Variants in NOMO2 observed in about 807,000 individuals in gnomAD.
The protein encoded by NOMO2 is BOS complex subunit NOMO2.
Under a neutral mutation model 67.1 loss-of-function variants are expected in NOMO2, and 14 were observed. The ratio of observed to expected loss-of-function variants is 0.21; its 90% CI spans 0.14 to 0.33. NOMO2 has a LOEUF of 0.33. Ranked by LOEUF, NOMO2 falls within the 10% of genes least tolerant of loss-of-function variation. The pLI, the probability that NOMO2 is intolerant of heterozygous loss-of-function variation, is 1.00. For synonymous variants in NOMO2, 80 were observed against 305.9 expected (o/e 0.26, Z 7.71); for missense variants, 178 against 761.0 (o/e 0.23, Z 9.01).
rs1901373278 is a variant in NOMO2, at chr16:18,534,363, G to C, written c.1221-1184C>G. On this transcript the variant is annotated intron_variant, in intron 11 of 30. Coordinates refer to ENST00000622306, the MANE Select transcript of NOMO2 (RefSeq NM_173614.4). ...GTTAAAAAAAAAAAATCAAAAGAAA[G>C]ATAATATTTCACATGTAAAAATTAC... Among the ~76,000 whole-genome samples the C allele has an allele frequency of 2.7e-5, 4 of 150,292 alleles. No homozygotes were observed. The South Asian group carries it at 8.6e-4, about 32-fold the overall frequency.
intron 1 of NOMO2, among the ~76,000 whole-genome samples, chr16:18,559,257 C>T (rs139903965): frequency 0.012 from 1,833 of 152,064 alleles, 22 homozygotes; most frequent in Non-Finnish European, 0.018. Flanking sequence ...CAGTGTAATA[C>T]GTAGGGAACA....
At chr16:18,537,116 G>A (rs1401855322) in intron 11 of NOMO2, among the ~76,000 whole-genome samples, 4 of 152,028 alleles carry the variant, frequency 2.6e-5, no homozygotes, top group African/African-American at 9.7e-5. Context: ...GGTCCTGGCT[G>A]CCACCTGCGG....
chr16:18,526,338 C>T (rs1901146244), intron 16 of NOMO2, among the ~76,000 whole-genome samples: 1 of 152,054 alleles, frequency 6.6e-6, no homozygotes, highest in African/African-American at 2.4e-5. Flanking sequence ...ATGACACAGC[C>T]TCTGTGGAAA....
At chr16:18,534,099 C>G (rs1255283840) in intron 11 of NOMO2, among the ~76,000 whole-genome samples, 2 of 151,818 alleles carry the variant, frequency 1.3e-5, no homozygotes, top group African/African-American at 2.4e-5. Flanking sequence ...ATGTTGGAAC[C>G]ACCACTCCGC....
rs1164327380 is a variant in NOMO2, at chr16:18,543,636, G to T, written c.716C>A (p.Ser239Tyr). The T allele has an allele frequency of 1.9e-6, 3 of 1,611,594 alleles. No homozygotes were observed. In the African/African-American group the frequency reaches 4.0e-5, roughly 22 times the overall value. ...PMKGVKFLLF[S>Y]SLVTKEDVLG... is the part of the protein sequence containing the mutation. Reference sequence around the variant, plus strand: ...GCTTACCTCTTTAGTTACTAAAGAAGAAAAGAGAAGAAACTTCACCCCTTT... The same window carrying T: ...GCTTACCTCTTTAGTTACTAAAGAATAAAAGAGAAGAAACTTCACCCCTTT... The change falls in exon 7 of 31, where the codon TCT becomes TAT. Residue 239 changes from serine to tyrosine, a missense_variant. Physicochemically the swap from Ser to Tyr is moderately radical, Grantham distance 144. Coordinates refer to ENST00000622306, the MANE Select transcript of NOMO2 (RefSeq NM_173614.4).
chr16:18,548,325 G>A (rs1021323618), intron 5 of NOMO2, among the ~76,000 whole-genome samples: 4 of 151,700 alleles, frequency 2.6e-5, no homozygotes, highest in African/African-American at 4.8e-5. Flanking sequence ...ACCAGGGCTG[G>A]AGAGGCACCA....
chr16:18,556,783 T>C (rs1901915049), intron 2 of NOMO2, among the ~76,000 whole-genome samples: 3 of 152,084 alleles, frequency 2.0e-5, no homozygotes, highest in African/African-American at 4.8e-5. Context: ...TACCCGTGGA[T>C]ACCTGAATAA....
chr16:18,536,598 G>A lies in NOMO2; in HGVS notation c.1220+1928C>T, dbSNP rs2561971. 2.1e-3 allele frequency among the ~76,000 whole-genome samples: 321 copies of A among 151,616 alleles called. 1 individual carries two copies. The highest frequency in any genetic ancestry group is 6.0e-3 in the Admixed American group (92 of 15,262). ...ACTCCTGGGCTCAAGCGATCCACCC[G>A]CCTCTGCCTCCCAAAGTGCTGGGAT... On this transcript the variant is annotated intron_variant, in intron 11 of 30. Transcript: ENST00000622306.
intron 3 of NOMO2, among the ~76,000 whole-genome samples, chr16:18,552,469 G>GCACACACACA (rs201636709): frequency 1.0e-5 from 1 of 97,638 alleles, no homozygotes; most frequent in Admixed American, 1.2e-4. Flanking sequence ...ACGCGTACAT[G>GCACACACACA]CACACACACA....
rs1180493678 is a variant in NOMO2 at position 18,538,682 on chromosome 16, A to T, written c.1070-6T>A. The T allele has an allele frequency of 6.2e-7, 1 of 1,613,480 alleles. No homozygotes were observed. The highest frequency in any genetic ancestry group is 1.3e-5 in the African/African-American group (1 of 74,856). ...GCCATCAGCTTTTGTTTTAACTGTA[A>T]AACAAAAACACACAAACAGAAGATA... On this transcript the variant is annotated splice_polypyrimidine_tract_variant and splice_region_variant and intron_variant, in intron 10 of 30. Coordinates refer to ENST00000622306, the MANE Select transcript of NOMO2 (RefSeq NM_173614.4).
At chr16:18,536,034 G>A (rs1316593413) in intron 11 of NOMO2, among the ~76,000 whole-genome samples, 2 of 152,018 alleles carry the variant, frequency 1.3e-5, no homozygotes, top group Admixed American at 1.3e-4. Flanking sequence ...CTGACCTCAT[G>A]ATCCGCCCAC....
chr16:18,529,498 T>C lies in NOMO2; in HGVS notation c.1806+3A>G, dbSNP rs200404195. 5.7e-3 allele frequency: 9,254 copies of C among 1,611,168 alleles called. 80 individuals are homozygous for C. Among genetic ancestry groups the C allele is most frequent in the Non-Finnish European group, 6.9e-3 (8,135 of 1,179,634 alleles). ...AATAAGAGACTCCATAAGCCGTACATACCAGAGTGATGGCGTGAGACAGGG... is the reference window on the plus strand; with the variant it reads ...AATAAGAGACTCCATAAGCCGTACACACCAGAGTGATGGCGTGAGACAGGG... On this transcript the variant is annotated splice_donor_region_variant and intron_variant, in intron 15 of 30. Coordinates refer to ENST00000622306, the MANE Select transcript of NOMO2 (RefSeq NM_173614.4).
At chr16:18,558,643 T>C (rs1901966303) in intron 1 of NOMO2, 1 of 232,830 alleles carries the variant, frequency 4.3e-6, no homozygotes, top group Non-Finnish European at 9.3e-6. Context: ...ATTTAATATC[T>C]GTCCTCTCTT....
At chr16:18,558,859 A>G (rs768492446) in intron 1 of NOMO2, 34 of 455,536 alleles carry the variant, frequency 7.5e-5, no homozygotes, top group South Asian at 5.3e-4. Context: ...CACCTGCTAC[A>G]GAATATGGAT....
intron 12 of NOMO2, 63 bp from the exon 13 acceptor site, chr16:18,531,670 G>C: frequency 6.2e-7 from 1 of 1,606,654 alleles, no homozygotes; most frequent in South Asian, 1.1e-5. Context: ...CTGACCTACA[G>C]GGCGCTAGAA....
chr16:18,554,536 G>A (rs1470748581), intron 3 of NOMO2, among the ~76,000 whole-genome samples: 3 of 151,032 alleles, frequency 2.0e-5, no homozygotes, highest in Admixed American at 6.6e-5. Flanking sequence ...CCACGGCCAC[G>A]TAATGAGTGA....
At chr16:18,558,989 C>T in intron 1 of NOMO2, 1 of 370,754 alleles carries the variant, frequency 2.7e-6, no homozygotes, top group South Asian at 1.9e-5. Flanking sequence ...AACACAGCCA[C>T]ACCTCATCCC....
intron 11 of NOMO2, among the ~76,000 whole-genome samples, chr16:18,534,247 G>T (rs1901370335): frequency 6.6e-6 from 1 of 151,664 alleles, no homozygotes; most frequent in African/African-American, 2.4e-5. Flanking sequence ...TCTCCAGCAT[G>T]GGTCAGCAAA....
upstream of NOMO2, chr16:18,562,100 A>C (rs951272807): frequency 3.6e-6 from 5 of 1,372,918 alleles, no homozygotes; most frequent in African/African-American, 7.8e-5. Context: ...CTCACACTGC[A>C]CGCCGCAGGC....
Sources: gnomAD v4.1 joint callset for allele counts (sites outside exome capture counted in the v4.1 genomes callset) on GRCh38, gnomAD v4.1.1 for gene constraint, MANE v1.5 for transcripts, NCBI Gene and HGNC (gene_info 2026-07-23, HGNC 2026-07-21) for gene names.